ROBO1: variants seen among roughly 807,000 people sequenced by gnomAD.
ROBO1 encodes roundabout guidance receptor 1.
ROBO1 carries 149 observed loss-of-function variants against 195.9 expected under a neutral mutation model. That is an observed-to-expected ratio of 0.76 (90% CI 0.67 to 0.87). ROBO1 has a LOEUF of 0.87. Ranked by LOEUF, ROBO1 falls within the 40% of genes least tolerant of loss-of-function variation. ROBO1 has a pLI of 0.00. For synonymous variants in ROBO1, 816 were observed against 733.2 expected (o/e 1.11, Z -1.82); for missense variants, 1,933 against 2,068.3 (o/e 0.93, Z 1.27).
intron 3 of ROBO1, among the ~76,000 whole-genome samples, chr3:79,027,762 T>G (rs2078226614): frequency 6.6e-6 from 1 of 152,054 alleles, no homozygotes; most frequent in African/African-American, 2.4e-5. Flanking sequence ...TCTCATCTTC[T>G]CAATTTCCTA....
At chr3:79,006,795 A>T (rs910060415) in intron 3 of ROBO1, among the ~76,000 whole-genome samples, 1 of 147,422 alleles carries the variant, frequency 6.8e-6, no homozygotes, top group Non-Finnish European at 1.5e-5. Flanking sequence ...CATAAGTTTT[A>T]TTGTGAGACT....
At chr3:79,744,886 C>A (rs1703803227) in intron 1 of ROBO1, among the ~76,000 whole-genome samples, 1 of 151,610 alleles carries the variant, frequency 6.6e-6, no homozygotes, top group African/African-American at 2.4e-5. Flanking sequence ...TATTTTGGAT[C>A]ATATATATAC....
intron 1 of ROBO1, among the ~76,000 whole-genome samples, chr3:79,601,824 A>G (rs1424807142): frequency 6.6e-6 from 1 of 151,976 alleles, no homozygotes; most frequent in East Asian, 1.9e-4. Flanking sequence ...TTTCAAACAC[A>G]CTGCCTTGAA....
intron 3 of ROBO1, among the ~76,000 whole-genome samples, chr3:79,118,605 C>T (rs1259015127): frequency 1.3e-5 from 2 of 152,094 alleles, no homozygotes; most frequent in East Asian, 1.9e-4. Flanking sequence ...CGCGGTGGCT[C>T]ACGCCTGTAA....
At chr3:79,331,514 GCTC>G (rs538010463) in intron 2 of ROBO1, among the ~76,000 whole-genome samples, 138 of 152,226 alleles carry the variant, frequency 9.1e-4, no homozygotes, top group Middle Eastern at 3.4e-3. Context: ...AAGTGTTTAT[GCTC>G]CTTTCAGCAT....
chr3:79,389,147 A>G (rs1391362228), intron 2 of ROBO1, among the ~76,000 whole-genome samples: 1 of 152,062 alleles, frequency 6.6e-6, no homozygotes, highest in Non-Finnish European at 1.5e-5. Context: ...AACCTTTTCC[A>G]TATTAAAAAT....
chr3:78,781,375 C>A (rs540857282), intron 4 of ROBO1, among the ~76,000 whole-genome samples: 5 of 152,126 alleles, frequency 3.3e-5, no homozygotes, highest in Non-Finnish European at 5.9e-5. Flanking sequence ...ATCTAGGTAG[C>A]CTCAAAGCAC....
At chr3:79,375,435 C>T (rs1381242587) in intron 2 of ROBO1, among the ~76,000 whole-genome samples, 1 of 152,160 alleles carries the variant, frequency 6.6e-6, no homozygotes, top group Non-Finnish European at 1.5e-5. Flanking sequence ...GAGTGGACAT[C>T]CATGCCAGTT....
At chr3:78,939,584 C>G (rs1460570572) in intron 3 of ROBO1, among the ~76,000 whole-genome samples, 2 of 150,818 alleles carry the variant, frequency 1.3e-5, no homozygotes, top group East Asian at 3.9e-4. Flanking sequence ...CGCCACTGCA[C>G]TCCAGCCTGG....
At chr3:79,411,753 A>T (rs2037774333) in intron 2 of ROBO1, among the ~76,000 whole-genome samples, 2 of 152,158 alleles carry the variant, frequency 1.3e-5, no homozygotes, top group African/African-American at 4.8e-5. Context: ...CGGAATGTGG[A>T]GCCCATTTAT....
At chr3:78,734,846 A>T (rs181304377) in intron 5 of ROBO1, among the ~76,000 whole-genome samples, 6 of 152,122 alleles carry the variant, frequency 3.9e-5, no homozygotes, top group Non-Finnish European at 8.8e-5. Flanking sequence ...TTTGTCTGGC[A>T]ATCTTTGGTC....
intron 3 of ROBO1, among the ~76,000 whole-genome samples, chr3:78,944,798 C>A (rs1358876125): frequency 1.3e-5 from 2 of 152,166 alleles, no homozygotes; most frequent in Non-Finnish European, 2.9e-5. Context: ...CCTGGAAAAT[C>A]GGGTCACTCC....
At chr3:79,649,934 G>A (rs1576176863) in intron 1 of ROBO1, among the ~76,000 whole-genome samples, 1 of 151,982 alleles carries the variant, frequency 6.6e-6, no homozygotes, top group Non-Finnish European at 1.5e-5. Flanking sequence ...TACAAATAGT[G>A]TTTAAAGGGA....
chr3:78,828,913 G>A (rs77865467), intron 4 of ROBO1, among the ~76,000 whole-genome samples: 210 of 152,228 alleles, frequency 1.4e-3, no homozygotes, highest in African/African-American at 5.0e-3. Flanking sequence ...TTACCAACTA[G>A]CTAACTATAG....
At chr3:78,716,049 C>A (rs1156832485) in intron 7 of ROBO1, among the ~76,000 whole-genome samples, 1 of 152,180 alleles carries the variant, frequency 6.6e-6, no homozygotes, top group Non-Finnish European at 1.5e-5. Context: ...AGCTTTGTGT[C>A]TGTGTTGTGA....
At chr3:78,853,879 T>C (rs1201487080) in intron 4 of ROBO1, among the ~76,000 whole-genome samples, 3 of 151,966 alleles carry the variant, frequency 2.0e-5, no homozygotes, top group African/African-American at 7.3e-5. Context: ...TTTCCCCATA[T>C]AAAACCATCA....
intron 2 of ROBO1, among the ~76,000 whole-genome samples, chr3:79,345,640 T>G (rs1226205010): frequency 6.6e-6 from 1 of 152,156 alleles, no homozygotes; most frequent in Non-Finnish European, 1.5e-5. Flanking sequence ...TTGCTTTCAC[T>G]TGAACTATCT....
chr3:79,690,110 A>G (rs1004318932), intron 1 of ROBO1, among the ~76,000 whole-genome samples: 2 of 151,906 alleles, frequency 1.3e-5, no homozygotes, highest in African/African-American at 4.8e-5. Context: ...ATATCTTTAC[A>G]AAAGTATTAG....
chr3:78,885,239 C>A (rs1473824994), intron 4 of ROBO1, among the ~76,000 whole-genome samples: 2 of 151,596 alleles, frequency 1.3e-5, no homozygotes, highest in Non-Finnish European at 2.9e-5. Flanking sequence ...AGGTAAAAAA[C>A]ACACAGTGGG....
Sources: allele counts gnomAD v4.1 joint callset (sites outside exome capture counted in the v4.1 genomes callset), GRCh38; gene constraint gnomAD v4.1.1; transcripts MANE v1.5; gene names NCBI Gene and HGNC (gene_info 2026-07-23, HGNC 2026-07-21).